Variants in LRRTM4 observed in about 807,000 individuals in gnomAD.
The protein encoded by LRRTM4 is leucine-rich repeat transmembrane neuronal protein 4.
LRRTM4 carries 25 observed loss-of-function variants against 47.6 expected under a neutral mutation model. The observed-to-expected ratio is 0.53, with a 90% CI of 0.38 to 0.73. The LOEUF (loss-of-function observed/expected upper bound fraction) is 0.73, where lower values mean the gene tolerates loss of function less well. Ranked by LOEUF, LRRTM4 falls within the 30% of genes least tolerant of loss-of-function variation. The probability of loss-of-function intolerance (pLI) is 0.00; values close to 1 mark genes in which losing one functional copy is unlikely to be tolerated. For synonymous variants in LRRTM4, 311 were observed against 269.5 expected, an observed-to-expected ratio of 1.15 and a Z score of -1.51; for missense variants, 638 against 713.4, an observed-to-expected ratio of 0.89 and a Z score of 1.20.
intron 3 of LRRTM4, among the ~76,000 whole-genome samples, chr2:76,766,719 T>C (rs1558638948): frequency 6.6e-6 from 1 of 152,234 alleles, no homozygotes; most frequent in Admixed American, 6.5e-5. Context: ...GCAGTAGTTG[T>C]CAACCTGTGG....
intron 3 of LRRTM4, among the ~76,000 whole-genome samples, chr2:77,249,860 T>G (rs948688376): frequency 6.6e-6 from 1 of 152,142 alleles, no homozygotes; most frequent in African/African-American, 2.4e-5. Context: ...ACAGAAAAAT[T>G]TGCACAAAAA....
At chr2:77,275,928 C>T (rs1051093082) in intron 3 of LRRTM4, among the ~76,000 whole-genome samples, 2 of 151,962 alleles carry the variant, frequency 1.3e-5, no homozygotes, top group African/African-American at 4.8e-5. Context: ...TGAGTCCTCA[C>T]AATTAAGATG....
chr2:77,137,407 T>C (rs1164546046), intron 3 of LRRTM4, among the ~76,000 whole-genome samples: 2 of 151,858 alleles, frequency 1.3e-5, no homozygotes, highest in African/African-American at 4.9e-5. Context: ...TAAAATCCTT[T>C]ACAGAAGAGC....
At chr2:77,434,269 T>C (rs1387020420) in intron 3 of LRRTM4, among the ~76,000 whole-genome samples, 1 of 151,812 alleles carries the variant, frequency 6.6e-6, no homozygotes, top group Non-Finnish European at 1.5e-5. Context: ...GTTTTCCACA[T>C]GTCAGAGCAG....
At chr2:76,843,908 C>CTTTTTTTT (rs538704879) in intron 3 of LRRTM4, among the ~76,000 whole-genome samples, 12 of 145,390 alleles carry the variant, frequency 8.3e-5, no homozygotes, top group South Asian at 2.2e-4. Context: ...TTTCTTTTTT[C>CTTTTTTTT]ATTTTTTTTT....
At chr2:77,155,218 AT>A (rs1672529423) in intron 3 of LRRTM4, among the ~76,000 whole-genome samples, 4 of 151,974 alleles carry the variant, frequency 2.6e-5, no homozygotes, top group South Asian at 2.1e-4. Flanking sequence ...TTTATTTTCT[AT>A]TTTTTATATG....
chr2:77,295,933 A>C (rs907361351), intron 3 of LRRTM4, among the ~76,000 whole-genome samples: 10 of 152,332 alleles, frequency 6.6e-5, no homozygotes, highest in African/African-American at 2.4e-4. Context: ...AAGGGGGCCC[A>C]ACTCAGGCCA....
chr2:77,167,736 G>A (rs765149166), intron 3 of LRRTM4, among the ~76,000 whole-genome samples: 6 of 152,098 alleles, frequency 3.9e-5, no homozygotes, highest in Non-Finnish European at 8.8e-5. Context: ...CTCACTCATA[G>A]GTGGGAATTA....
Position 76,828,165 on chromosome 2 carries a change from T to G in LRRTM4, c.1552-79249A>C, listed in dbSNP as rs187102197. ...ATCTCCTGTGAATTTCACTTTAACA[T>G]TGAATGATGTGAGGGTAAGTGATTG... On this transcript the variant is annotated intron_variant, in intron 3 of 3. Coordinates refer to ENST00000409884, the MANE Select transcript of LRRTM4 (RefSeq NM_001134745.3). Among the ~76,000 whole-genome samples the G allele has an allele frequency of 5.3e-5, 8 of 152,054 alleles. No individual in the cohort carries two copies. The South Asian group carries it at 1.7e-3, about 31-fold the overall frequency.
chr2:77,172,862 G>A (rs142739140), intron 3 of LRRTM4, among the ~76,000 whole-genome samples: 525 of 152,218 alleles, frequency 3.4e-3, no homozygotes, highest in South Asian at 0.012. Flanking sequence ...CCAAATATCC[G>A]TGGCTTAACA....
chr2:77,123,226 A>AGAGAGC (rs1671565027), intron 3 of LRRTM4, among the ~76,000 whole-genome samples: 1 of 151,710 alleles, frequency 6.6e-6, no homozygotes, highest in South Asian at 2.1e-4. Flanking sequence ...AGAGAGAGAG[A>AGAGAGC]GAGAGAGAGA....
chr2:76,855,573 A>G (rs1294955439), intron 3 of LRRTM4, among the ~76,000 whole-genome samples: 2 of 152,182 alleles, frequency 1.3e-5, no homozygotes, highest in Non-Finnish European at 2.9e-5. Context: ...TCCTCATTCT[A>G]TTTAACAAAA....
chr2:76,924,917 C>T (rs1337918518), intron 3 of LRRTM4, among the ~76,000 whole-genome samples: 2 of 152,022 alleles, frequency 1.3e-5, no homozygotes, highest in Non-Finnish European at 2.9e-5. Context: ...ACTTTAAAGC[C>T]GGAACCCTTC....
At chr2:77,448,345 G>C (rs1481624198) in intron 3 of LRRTM4, among the ~76,000 whole-genome samples, 1 of 152,140 alleles carries the variant, frequency 6.6e-6, no homozygotes, top group South Asian at 2.1e-4. Context: ...TTTTACATAA[G>C]AGACGAAATT....
intron 3 of LRRTM4, among the ~76,000 whole-genome samples, chr2:76,854,812 CTT>C (rs66549743): frequency 2.8e-5 from 4 of 143,958 alleles, no homozygotes; most frequent in Admixed American, 6.9e-5. Flanking sequence ...AAAGAAAATC[CTT>C]TTTTTTTTTT....
intron 3 of LRRTM4, among the ~76,000 whole-genome samples, chr2:76,827,384 AAT>A (rs1434153787): frequency 6.6e-6 from 1 of 151,788 alleles, no homozygotes; most frequent in Admixed American, 6.6e-5. Context: ...ATGGTTGTTT[AAT>A]ATGTTATTCA....
chr2:77,277,707 CAAAT>C (rs1054294189), intron 3 of LRRTM4, among the ~76,000 whole-genome samples: 7 of 151,920 alleles, frequency 4.6e-5, no homozygotes, highest in African/African-American at 1.7e-4. Context: ...TCTTAAATGA[CAAAT>C]GAATTCTGTG....
intron 3 of LRRTM4, among the ~76,000 whole-genome samples, chr2:77,266,891 G>A (rs1454155062): frequency 6.6e-6 from 1 of 152,086 alleles, no homozygotes; most frequent in Non-Finnish European, 1.5e-5. Context: ...CTGAAAGCGA[G>A]TTGGAGAATA....
chr2:77,355,826 C>T (rs1396710797), intron 3 of LRRTM4, among the ~76,000 whole-genome samples: 1 of 152,182 alleles, frequency 6.6e-6, no homozygotes, highest in Non-Finnish European at 1.5e-5. Flanking sequence ...GGCACAGTGG[C>T]TCATTCCTGT....
Sources: gnomAD v4.1 joint callset for allele counts (sites outside exome capture counted in the v4.1 genomes callset) on GRCh38, gnomAD v4.1.1 for gene constraint, MANE v1.5 for transcripts, NCBI Gene and HGNC (gene_info 2026-07-23, HGNC 2026-07-21) for gene names.